Variants in DOCK3 observed in about 807,000 individuals in gnomAD.
DOCK3 encodes dedicator of cytokinesis 3, also known as dedicator of cytokinesis protein 3.
Under a neutral mutation model 265.6 loss-of-function variants are expected in DOCK3, and 60 were observed. The observed-to-expected ratio is 0.23, with a 90% CI of 0.18 to 0.28. DOCK3 has a LOEUF of 0.28. Ranked by LOEUF, DOCK3 falls within the 10% of genes least tolerant of loss-of-function variation. The probability of loss-of-function intolerance (pLI) is 1.00; values close to 1 mark genes in which losing one functional copy is unlikely to be tolerated. For missense variants in DOCK3, 1,981 were observed against 2,594.3 expected (o/e 0.76, Z 5.14); for synonymous variants, 881 against 938.0 (o/e 0.94, Z 1.11).
intron 3 of DOCK3, chr3:50,863,514 C>T: frequency 4.0e-6 from 2 of 496,102 alleles, no homozygotes; most frequent in Non-Finnish European, 8.0e-6. Context: ...CATGAGACTC[C>T]AGTTTTCCAG....
At chr3:51,338,787 G>A (rs2110064518) in intron 36 of DOCK3, 148 bp from the exon 37 acceptor site, 1 of 692,286 alleles carries the variant, frequency 1.4e-6, no homozygotes, top group South Asian at 1.7e-5. Context: ...TGTTCCTTCT[G>A]GCTGGTGCTT....
chr3:50,860,053 A>G (rs1005522829), intron 3 of DOCK3, among the ~76,000 whole-genome samples: 8 of 152,124 alleles, frequency 5.3e-5, no homozygotes, highest in African/African-American at 9.7e-5. Context: ...GGGGACCCCA[A>G]CCCAGAGAGA....
chr3:51,071,854 G>A (rs2081883493), intron 6 of DOCK3, among the ~76,000 whole-genome samples: 1 of 152,154 alleles, frequency 6.6e-6, no homozygotes, highest in African/African-American at 2.4e-5. Context: ...AGTTTGTAGT[G>A]AACATGTATT....
intron 9 of DOCK3, among the ~76,000 whole-genome samples, chr3:51,144,856 G>T (rs2085226717): frequency 1.3e-5 from 2 of 152,172 alleles, no homozygotes; most frequent in South Asian, 4.1e-4. Context: ...ATGAGTACAT[G>T]ACCAGAGGCA....
intron 2 of DOCK3, among the ~76,000 whole-genome samples, chr3:50,810,678 A>G (rs2043696988): frequency 6.6e-6 from 1 of 152,218 alleles, no homozygotes; most frequent in South Asian, 2.1e-4. Context: ...ACTAAACAAT[A>G]TGGAAGAATC....
At chr3:51,054,307 A>G (rs1345212610) in intron 5 of DOCK3, among the ~76,000 whole-genome samples, 3 of 152,052 alleles carry the variant, frequency 2.0e-5, no homozygotes, top group Non-Finnish European at 1.5e-5. Context: ...AGCTTCCAGT[A>G]TTGTTGTTGA....
At chr3:51,310,917 C>T (rs1204704671) in intron 28 of DOCK3, among the ~76,000 whole-genome samples, 1 of 152,234 alleles carries the variant, frequency 6.6e-6, no homozygotes, top group Non-Finnish European at 1.5e-5. Flanking sequence ...TGCCTCCTCC[C>T]ACTGATCTGC....
intron 1 of DOCK3, among the ~76,000 whole-genome samples, chr3:50,742,616 T>A (rs1488407042): frequency 6.6e-6 from 1 of 151,800 alleles, no homozygotes; most frequent in Non-Finnish European, 1.5e-5. Flanking sequence ...ATGAAATGAA[T>A]GAAATGAAGC....
At chr3:51,220,571 C>T (rs1276641551) in intron 14 of DOCK3, among the ~76,000 whole-genome samples, 3 of 150,084 alleles carry the variant, frequency 2.0e-5, no homozygotes, top group Non-Finnish European at 3.0e-5. Context: ...GCTGGAGAAT[C>T]GCTTGAACCC....
At chr3:51,164,964 C>T (rs1360591916) in intron 12 of DOCK3, among the ~76,000 whole-genome samples, 2 of 100,344 alleles carry the variant, frequency 2.0e-5, no homozygotes, top group African/African-American at 3.8e-5. Flanking sequence ...TTTTTTGAGA[C>T]GGAGTCTCAC....
intron 5 of DOCK3, among the ~76,000 whole-genome samples, chr3:51,011,717 C>T (rs1193382810): frequency 1.3e-5 from 2 of 152,196 alleles, no homozygotes; most frequent in Non-Finnish European, 1.5e-5. Flanking sequence ...TTAGAATTTT[C>T]AGCTTTTCTG....
chr3:51,334,666 G>C (rs2084748543), intron 35 of DOCK3, among the ~76,000 whole-genome samples: 1 of 152,196 alleles, frequency 6.6e-6, no homozygotes, highest in Non-Finnish European at 1.5e-5. Flanking sequence ...GTTCACACCA[G>C]GTCCGTAGCT....
intron 49 of DOCK3, 138 bp downstream of exon 49, chr3:51,362,812 G>C: frequency 7.8e-7 from 1 of 1,288,934 alleles, no homozygotes; most frequent in Middle Eastern, 2.6e-4. Flanking sequence ...TTACCACTAA[G>C]GACTCGAGAG....
At chr3:50,864,077 C>G (rs896255705) in intron 3 of DOCK3, among the ~76,000 whole-genome samples, 3 of 152,200 alleles carry the variant, frequency 2.0e-5, no homozygotes, top group African/African-American at 7.2e-5. Context: ...TTTCTGCCAA[C>G]AGTGTATGTG....
intron 4 of DOCK3, among the ~76,000 whole-genome samples, chr3:50,899,219 T>C (rs1054705082): frequency 6.6e-6 from 1 of 152,226 alleles, no homozygotes; most frequent in African/African-American, 2.4e-5. Flanking sequence ...TTGATCACTT[T>C]ACCATTATGT....
chr3:50,780,072 T>C (rs1363162501), intron 2 of DOCK3, among the ~76,000 whole-genome samples: 2 of 152,134 alleles, frequency 1.3e-5, no homozygotes, highest in Non-Finnish European at 2.9e-5. Flanking sequence ...TCATATATAT[T>C]TAGGAGTACA....
rs2078400743 is a variant in DOCK3, at chr3:51,237,498, C to T, written c.2010C>T (p.Ile670=). 6.2e-7 allele frequency: 1 copy of T among 1,613,334 alleles called. No homozygotes were observed. Among genetic ancestry groups the T allele is most frequent in the African/African-American group, 1.3e-5 (1 of 75,036 alleles). Residue 670 remains isoleucine (I), a synonymous_variant, in exon 21 of 53, where the codon ATC becomes ATT. Transcript: ENST00000266037. The part of the protein sequence containing the change: ...GLLVFQSLVF[I]INLLRDIKYF... Reference sequence around the variant, plus strand: ...CTCTCCATATCTCCCAGGTGTTCATCATCAACCTGCTCCGAGACATCAAGT... The same window carrying T: ...CTCTCCATATCTCCCAGGTGTTCATTATCAACCTGCTCCGAGACATCAAGT...
At chr3:51,171,900 A>T (rs1576312942) in intron 12 of DOCK3, among the ~76,000 whole-genome samples, 1 of 152,150 alleles carries the variant, frequency 6.6e-6, no homozygotes, top group African/African-American at 2.4e-5. Context: ...TGTTTGGATG[A>T]TCTCTTAGCT....
At chr3:50,717,674 G>A (rs2037205693) in intron 1 of DOCK3, among the ~76,000 whole-genome samples, 4 of 152,124 alleles carry the variant, frequency 2.6e-5, no homozygotes. Flanking sequence ...TCAAGCTGGA[G>A]TGCAGTGGCG....
Sources: allele counts gnomAD v4.1 joint callset (sites outside exome capture counted in the v4.1 genomes callset), GRCh38; gene constraint gnomAD v4.1.1; transcripts MANE v1.5; gene names NCBI Gene and HGNC (gene_info 2026-07-23, HGNC 2026-07-21).